KIF15: variants seen among roughly 807,000 people sequenced by gnomAD.
The protein encoded by KIF15 is kinesin family member 15.
A neutral mutation model predicts 190.6 loss-of-function variants in KIF15; 140 were observed. The observed-to-expected ratio is 0.73, with a 90% confidence interval of 0.64 to 0.84. The LOEUF (loss-of-function observed/expected upper bound fraction) is 0.84. Ranked by LOEUF, KIF15 falls within the 40% of genes least tolerant of loss-of-function variation. The pLI is 0.00. For missense variants in KIF15, 1,372 were observed against 1,584.4 expected, an observed-to-expected ratio of 0.87 and a Z score of 2.28; for synonymous variants, 528 against 551.3, an observed-to-expected ratio of 0.96 and a Z score of 0.59.
chr3:44,862,698 C>G (rs1336467720), intron 6 of KIF15: 1 of 152,038 alleles, frequency 6.6e-6, no homozygotes, highest in Non-Finnish European at 1.5e-5. Context: ...CCTAAACTTG[C>G]ATCCTGGCGT....
chr3:44,805,752 AT>A, intron 15 of KIF15, 92 bp from the exon 16 acceptor site: 1 of 1,137,620 alleles, frequency 8.8e-7, no homozygotes, highest in Non-Finnish European at 1.3e-6. Flanking sequence ...AGAGATAACT[AT>A]AAAGTTATGT....
chr3:44,837,652 A>C (rs1283446762), intron 26 of KIF15, among the ~76,000 whole-genome samples: 8 of 152,170 alleles, frequency 5.3e-5, no homozygotes. Context: ...ACCTACATAC[A>C]TATATATACA....
At chr3:44,790,027 G>A (rs1185688992) in intron 7 of KIF15, among the ~76,000 whole-genome samples, 3 of 152,044 alleles carry the variant, frequency 2.0e-5, no homozygotes, top group Non-Finnish European at 2.9e-5. Context: ...GGGTTAAATC[G>A]GGAATAAATG....
At chr3:44,788,001 C>T (rs1045100556) in intron 7 of KIF15, among the ~76,000 whole-genome samples, 2 of 152,068 alleles carry the variant, frequency 1.3e-5, no homozygotes, top group Non-Finnish European at 2.9e-5. Flanking sequence ...ACTACAGGCG[C>T]GCACTGCCAT....
intron 23 of KIF15, among the ~76,000 whole-genome samples, chr3:44,827,896 A>T (rs559066078): frequency 6.6e-6 from 1 of 152,024 alleles, no homozygotes; most frequent in African/African-American, 2.4e-5. Flanking sequence ...GTTGCCCAGG[A>T]TCGAACTCCT....
At chr3:44,765,256 G>A (rs1034068567) in intron 1 of KIF15, among the ~76,000 whole-genome samples, 2 of 152,232 alleles carry the variant, frequency 1.3e-5, no homozygotes, top group African/African-American at 4.8e-5. Context: ...TTGCACATAA[G>A]TGCAGATCAG....
chr3:44,806,022 G>A (rs769718306), intron 16 of KIF15, 36 bp downstream of exon 16: 1 of 1,593,108 alleles, frequency 6.3e-7, no homozygotes, highest in South Asian at 1.1e-5. Context: ...CCTTAAATCA[G>A]TGCAATGTCA....
rs200678938 is a variant in KIF15, at chr3:44,813,201, C to T, written c.2383+21C>T. 139 of 1,358,430 alleles carry T rather than the reference C, an allele frequency of 1.0e-4. No homozygotes were observed. The East Asian group carries it at 2.3e-3, about 23-fold the overall frequency. 84.1% of individuals were successfully genotyped at this position (1,358,430 alleles called of 1,614,324 possible). A position where few individuals can be genotyped will look rare whatever the true frequency, so the allele number is the denominator to read the frequency against. ...TGACTGTAAGTTATTCTATCAGGAG[C>T]TTTGTGACTTGAAGGAATACTGTAA... On this transcript the variant is annotated intron_variant, in intron 19 of 34. Transcript: ENST00000326047.
chr3:44,799,762 TAA>T (rs767515029), intron 10 of KIF15, among the ~76,000 whole-genome samples: 15 of 110,226 alleles, frequency 1.4e-4, no homozygotes, highest in Admixed American at 3.7e-4. Context: ...GGTAAAAAAT[TAA>T]AAAAAAAAAA....
rs375067841 is a variant in KIF15, at chr3:44,790,081, A to G, written c.639+3507A>G. Among the ~76,000 whole-genome samples the G allele has an allele frequency of 1.2e-4, 19 of 152,218 alleles. No homozygotes were observed. In the East Asian group the frequency reaches 1.7e-3, roughly 14 times the overall value. On this transcript the variant is annotated intron_variant, in intron 7 of 34. Coordinates refer to ENST00000326047, the MANE Select transcript of KIF15 (RefSeq NM_020242.3). ...TCAGGAGCACTTCCTACCACCATAC[A>G]GTTCAGAAACAAACAATAACAAATA...
At chr3:44,832,307 C>T (rs779906953) in intron 26 of KIF15, among the ~76,000 whole-genome samples, 23 of 152,116 alleles carry the variant, frequency 1.5e-4, no homozygotes, top group African/African-American at 4.3e-4. Context: ...TCTTGAGGAA[C>T]GTCAGCTGTA....
intron 20 of KIF15, among the ~76,000 whole-genome samples, chr3:44,815,499 C>T (rs561705983): frequency 6.6e-5 from 10 of 152,150 alleles, no homozygotes; most frequent in Non-Finnish European, 1.5e-4. Flanking sequence ...ACCTTTGGAC[C>T]AGTCACTTTA....
At chr3:44,790,695 C>CTTTTTTTTTTTTTTTTTT (rs56414094) in intron 7 of KIF15, among the ~76,000 whole-genome samples, 2 of 97,972 alleles carry the variant, frequency 2.0e-5, no homozygotes, top group African/African-American at 4.1e-5. Flanking sequence ...TTTTCTGTTT[C>CTTTTTTTTTTTTTTTTTT]TTTTTTTTTT....
At position 44,805,933 on chromosome 3, in the gene KIF15, T is replaced by C. The variant is rs750385333; in HGVS notation, c.1918T>C (p.Cys640Arg). 20 of 1,614,090 alleles carry C rather than the reference T, an allele frequency of 1.2e-5. No individual in the cohort carries two copies. In the Admixed American group the frequency reaches 3.2e-4, roughly 26 times the overall value. ...AAACCTTTTGGAAGCAACAAAAGCCTGCAAGCGGCAAGAAGTTTCTCAGCT... is the reference window on the plus strand; with the variant it reads ...AAACCTTTTGGAAGCAACAAAAGCCCGCAAGCGGCAAGAAGTTTCTCAGCT... ...LENLLEATKA[C>R]KRQEVSQLNK... is the part of the protein sequence containing the mutation. Residue 640 changes from cysteine (C) to arginine (R), a missense_variant, in exon 16 of 35, where the codon TGC becomes CGC. Physicochemically the swap from Cys to Arg is radical, Grantham distance 180. Coordinates refer to ENST00000326047, the MANE Select transcript of KIF15 (RefSeq NM_020242.3).
At chr3:44,762,272 A>G (rs1705185278) in intron 1 of KIF15, among the ~76,000 whole-genome samples, 1 of 152,084 alleles carries the variant, frequency 6.6e-6, no homozygotes, top group Non-Finnish European at 1.5e-5. Flanking sequence ...GCTTCTGCGT[A>G]TTTCTACATT....
chr3:44,839,193 C>G (rs956157969), intron 27 of KIF15, among the ~76,000 whole-genome samples: 1 of 151,652 alleles, frequency 6.6e-6, no homozygotes, highest in Non-Finnish European at 1.5e-5. Flanking sequence ...ACACGGTGAA[C>G]CCCCGTCTCT....
At chr3:44,844,345 C>A (rs1025209141) in intron 30 of KIF15, among the ~76,000 whole-genome samples, 2 of 152,092 alleles carry the variant, frequency 1.3e-5, no homozygotes, top group African/African-American at 4.8e-5. Flanking sequence ...GGAGCGAAGC[C>A]CAGAATTCTG....
intron 19 of KIF15, among the ~76,000 whole-genome samples, chr3:44,813,808 C>G (rs181914278): frequency 4.6e-5 from 7 of 151,988 alleles, no homozygotes; most frequent in Non-Finnish European, 1.0e-4. Flanking sequence ...AGGAGAGACA[C>G]GGTTTCGCCA....
intron 25 of KIF15, among the ~76,000 whole-genome samples, chr3:44,830,549 A>C (rs1343141648): frequency 5.3e-5 from 8 of 152,230 alleles, no homozygotes; most frequent in Admixed American, 5.2e-4. Flanking sequence ...TTATTTTGTC[A>C]GCATGTATCT....
Sources: allele counts gnomAD v4.1 joint callset (sites outside exome capture counted in the v4.1 genomes callset), GRCh38; gene constraint gnomAD v4.1.1; transcripts MANE v1.5; gene names NCBI Gene and HGNC (gene_info 2026-07-23, HGNC 2026-07-21).